FRY: variants seen among roughly 807,000 people sequenced by gnomAD.
FRY encodes the protein protein furry homolog.
In FRY, 128 loss-of-function variants were observed where a neutral mutation model predicts 348.4. The observed-to-expected ratio is 0.37, with a 90% CI of 0.32 to 0.43. The LOEUF (loss-of-function observed/expected upper bound fraction) is 0.43, where lower values mean the gene tolerates loss of function less well. Ranked by LOEUF, FRY falls within the 20% of genes least tolerant of loss-of-function variation. The probability of loss-of-function intolerance (pLI) is 1.00; values close to 1 mark genes in which losing one functional copy is unlikely to be tolerated. For synonymous variants in FRY, 1,370 were observed against 1,374.7 expected (o/e 1.00, Z 0.08); for missense variants, 2,736 against 3,695.2 (o/e 0.74, Z 6.73).
chr13:32,218,973 G>C (rs1401005660), intron 36 of FRY, 142 bp downstream of exon 36: 1 of 635,530 alleles, frequency 1.6e-6, no homozygotes, highest in African/African-American at 1.9e-5. Flanking sequence ...ATGCAGATGA[G>C]CATAGAGTCA....
intron 2 of FRY, among the ~76,000 whole-genome samples, chr13:32,081,536 C>T (rs559019232): frequency 7.2e-4 from 110 of 152,130 alleles, no homozygotes; most frequent in Non-Finnish European, 1.3e-3. Flanking sequence ...TGTTGGCCAG[C>T]CTGGTCTCGA....
chr13:32,117,977 A>G (rs1195991566), intron 4 of FRY, among the ~76,000 whole-genome samples: 2 of 152,178 alleles, frequency 1.3e-5, no homozygotes, highest in Non-Finnish European at 2.9e-5. Context: ...CTTGTGAGCA[A>G]AACAAGGAAG....
At chr13:32,176,009 C>T (rs1466647056) in intron 20 of FRY, among the ~76,000 whole-genome samples, 1 of 152,058 alleles carries the variant, frequency 6.6e-6, no homozygotes, top group Non-Finnish European at 1.5e-5. Context: ...AGAGTGCTTT[C>T]ACATTTATTA....
intron 14 of FRY, among the ~76,000 whole-genome samples, chr13:32,150,416 A>T (rs1880722749): frequency 6.6e-6 from 1 of 152,182 alleles, no homozygotes; most frequent in Non-Finnish European, 1.5e-5. Context: ...CAACAGAAGT[A>T]TGCCTGGCAC....
chr13:32,144,275 C>T (rs58636026), intron 11 of FRY, among the ~76,000 whole-genome samples: 8,342 of 144,876 alleles, frequency 0.058, 733 homozygotes, highest in African/African-American at 0.19. Context: ...GTTTTTTTTT[C>T]TCCATGAAGC....
intron 1 of FRY, among the ~76,000 whole-genome samples, chr13:32,051,061 G>T (rs577668643): frequency 6.6e-6 from 1 of 152,160 alleles, no homozygotes; most frequent in Non-Finnish European, 1.5e-5. Context: ...GAGAATAGAG[G>T]TAATAACTTA....
rs1028630130 is a variant in FRY at position 32,295,655 on chromosome 13, C to T, written c.*195C>T. The T allele has an allele frequency of 9.8e-6, 6 of 609,148 alleles. No homozygotes were observed. The highest frequency in any genetic ancestry group is 4.4e-4 in the Middle Eastern group (1 of 2,294). 37.7% of individuals were successfully genotyped at this position (609,148 alleles called of 1,614,324 possible). ...CTATAAGAACCAAGGTAGCTTAGAA[C>T]GTCCTGGACAGACTCCACTCATCAT... is the stretch of plus-strand genomic sequence containing the variant. On this transcript the variant is annotated 3_prime_UTR_variant, in exon 61 of 61. Coordinates refer to ENST00000542859, the MANE Select transcript of FRY (RefSeq NM_023037.3).
In FRY at chr13:32,124,673, C is replaced by T. The variant is rs1394212637; in HGVS notation, c.627C>T (p.Tyr209=). The change falls in exon 6 of 61, where the codon TAC becomes TAT. Residue 209 remains tyrosine, a synonymous_variant. Coordinates refer to ENST00000542859, the MANE Select transcript of FRY (RefSeq NM_023037.3). ...VINLAFKHFK[Y]KEGYLGPNTG... ...ACTTGGCTTTCAAGCACTTTAAATACAAAGAAGGGTAAGATGATTTCTCAC... is the reference window on the plus strand; with the variant it reads ...ACTTGGCTTTCAAGCACTTTAAATATAAAGAAGGGTAAGATGATTTCTCAC... 1 of 1,566,530 alleles carries T rather than the reference C, an allele frequency of 6.4e-7. No homozygotes were observed. The highest frequency in any genetic ancestry group is 1.4e-5 in the African/African-American group (1 of 73,908).
intron 1 of FRY, among the ~76,000 whole-genome samples, chr13:32,055,287 C>G (rs1873559995): frequency 6.6e-6 from 1 of 152,142 alleles, no homozygotes; most frequent in Non-Finnish European, 1.5e-5. Context: ...TCAAGAGTCT[C>G]CCACCTCGAC....
At chr13:32,177,434 T>G (rs1882432415) in intron 20 of FRY, among the ~76,000 whole-genome samples, 1 of 151,624 alleles carries the variant, frequency 6.6e-6, no homozygotes, top group Non-Finnish European at 1.5e-5. Flanking sequence ...TTCTAAAAAA[T>G]AATACAAAAA....
chr13:32,094,285 G>A (rs1876541227), intron 2 of FRY, among the ~76,000 whole-genome samples: 1 of 151,936 alleles, frequency 6.6e-6, no homozygotes. Flanking sequence ...TTTTGATATA[G>A]GCATGCAATG....
At chr13:32,129,349 C>A (rs1018005441) in intron 7 of FRY, among the ~76,000 whole-genome samples, 1 of 152,120 alleles carries the variant, frequency 6.6e-6, no homozygotes, top group Non-Finnish European at 1.5e-5. Context: ...AGTAGGTCTG[C>A]GGTAGGACCA....
rs1301050387 is a variant in FRY, at chr13:32,124,527, A to G, written c.556-75A>G. 6.5e-5 allele frequency: 59 copies of G among 909,658 alleles called. 2 individuals carry two copies. The South Asian group carries it at 7.5e-4, about 12-fold the overall frequency. The allele number at this position is 909,658 out of a possible 1,614,324, so 56.3% of individuals were successfully genotyped here. A position where few individuals can be genotyped will look rare whatever the true frequency, so the allele number is the denominator to read the frequency against. On this transcript the variant is annotated intron_variant, in intron 5 of 60. Transcript: ENST00000542859. ...TATTGATTGCTATTGATTGTCATAT[A>G]TAGTTATTGGAAGTACTGTACCGAT...
rs76090070 is a variant in FRY at position 32,056,814 on chromosome 13, A to G, written c.71-22020A>G. Among the ~76,000 whole-genome samples the G allele has an allele frequency of 7.6e-3, 1,154 of 152,330 alleles. 19 individuals carry two copies. Among genetic ancestry groups the G allele is most frequent in the African/African-American group, 0.027 (1,104 of 41,562 alleles). On this transcript the variant is annotated intron_variant, in intron 1 of 60. Transcript: ENST00000542859. ...ATTTACTGAATTGCTAGGAAGACTA[A>G]CATGTATGTATCTCATACAAATAAA... is the stretch of plus-strand genomic sequence containing the variant.
rs530120454 is a variant in FRY at position 32,291,345 on chromosome 13, A to T, written c.8580+1602A>T. Among the ~76,000 whole-genome samples, 16 of 151,454 alleles carry T rather than the reference A, an allele frequency of 1.1e-4. 1 individual carries two copies. The East Asian group carries it at 3.1e-3, about 29-fold the overall frequency. On this transcript the variant is annotated intron_variant, in intron 59 of 60. Transcript: ENST00000542859. ...ATAAGTTGTCAGATAATAGGAATCA[A>T]CTCTTTTCTTTTTTATTTGCCACAT...
At chr13:32,291,411 T>C (rs1315473912) in intron 59 of FRY, among the ~76,000 whole-genome samples, 3 of 151,634 alleles carry the variant, frequency 2.0e-5, no homozygotes, top group Non-Finnish European at 4.4e-5. Context: ...TTTTTTTTTT[T>C]TTTCTTTTTT....
At chr13:32,197,204 T>C (rs890598378) in intron 29 of FRY, among the ~76,000 whole-genome samples, 1 of 152,222 alleles carries the variant, frequency 6.6e-6, no homozygotes, top group Non-Finnish European at 1.5e-5. Context: ...TGGATTTATT[T>C]TCGGTGGTGG....
intron 2 of FRY, among the ~76,000 whole-genome samples, chr13:32,095,034 T>C (rs1008501258): frequency 2.6e-5 from 4 of 152,220 alleles, no homozygotes; most frequent in Non-Finnish European, 5.9e-5. Flanking sequence ...CTTTTGGATA[T>C]AAGCCATTTT....
intron 2 of FRY, among the ~76,000 whole-genome samples, chr13:32,096,349 A>G (rs1053610497): frequency 6.6e-6 from 1 of 152,042 alleles, no homozygotes. Context: ...GAGACAGACA[A>G]GTTACAACAT....
Sources: gnomAD v4.1 joint callset for allele counts (sites outside exome capture counted in the v4.1 genomes callset) on GRCh38, gnomAD v4.1.1 for gene constraint, MANE v1.5 for transcripts, NCBI Gene and HGNC (gene_info 2026-07-23, HGNC 2026-07-21) for gene names.